The following CACNA2D3 variants were observed in gnomAD, a reference collection of about 807,000 sequenced individuals.
CACNA2D3 encodes calcium voltage-gated channel auxiliary subunit alpha2delta 3, also known as voltage-dependent calcium channel subunit alpha-2/delta-3.
Under a neutral mutation model 160.6 loss-of-function variants are expected in CACNA2D3, and 60 were observed. The ratio of observed to expected loss-of-function variants is 0.37; its 90% CI spans 0.30 to 0.46. The LOEUF is 0.46. Among genes scored for constraint, CACNA2D3 ranks in the 20% least tolerant of loss-of-function variants. The pLI, the probability that CACNA2D3 is intolerant of heterozygous loss-of-function variation, is 1.00. For missense variants in CACNA2D3, 1,205 were observed against 1,365.0 expected (o/e 0.88, Z 1.85); for synonymous variants, 558 against 492.9 (o/e 1.13, Z -1.75).
rs1396090035 is a variant in CACNA2D3, at chr3:54,500,488, TCTTCCTTCCTTCCTATCTTCCTTC to T, written c.382-2989_382-2966del. Among the ~76,000 whole-genome samples the T allele has an allele frequency of 3.1e-4, 46 of 150,042 alleles. 1 individual carries two copies. Among genetic ancestry groups the T allele is most frequent in the African/African-American group, 1.1e-3 (45 of 40,744 alleles). ...GTCCGTCCATCTTCCTTCCTTCCTA[TCTTCCTTCCTTCCTATCTTCCTTC>T]CTTCCTTCCTTCCTTCCTTCCTTCC... On this transcript the variant is annotated intron_variant, in intron 4 of 37. Coordinates refer to ENST00000474759, the MANE Select transcript of CACNA2D3 (RefSeq NM_018398.3).
intron 9 of CACNA2D3, among the ~76,000 whole-genome samples, chr3:54,586,600 C>T (rs1233006623): frequency 6.6e-6 from 1 of 152,092 alleles, no homozygotes; most frequent in African/African-American, 2.4e-5. Context: ...ATTCCACAGT[C>T]ACCAGTTGAT....
intron 13 of CACNA2D3, among the ~76,000 whole-genome samples, chr3:54,767,859 T>G (rs35993476): frequency 1.3e-4 from 19 of 151,940 alleles, no homozygotes; most frequent in Non-Finnish European, 2.2e-4. Flanking sequence ...TAATGGTTTG[T>G]AACTTGTTGA....
intron 35 of CACNA2D3, among the ~76,000 whole-genome samples, chr3:55,033,381 C>A (rs1023337200): frequency 2.6e-5 from 4 of 151,990 alleles, no homozygotes; most frequent in Non-Finnish European, 5.9e-5. Flanking sequence ...CCTGAGTTCT[C>A]TCCTCTAGAG....
At chr3:54,392,031 T>C (rs1282854890) in intron 4 of CACNA2D3, among the ~76,000 whole-genome samples, 2 of 152,252 alleles carry the variant, frequency 1.3e-5, no homozygotes, top group Non-Finnish European at 2.9e-5. Flanking sequence ...ACATAGGCTT[T>C]TCTTAAAAGA....
intron 11 of CACNA2D3, among the ~76,000 whole-genome samples, chr3:54,693,781 A>T (rs1464444461): frequency 1.3e-5 from 2 of 152,198 alleles, no homozygotes; most frequent in East Asian, 3.8e-4. Context: ...TTAACAAAAA[A>T]GTTTAAAAAG....
intron 4 of CACNA2D3, among the ~76,000 whole-genome samples, chr3:54,426,195 CATT>C (rs1699910052): frequency 1.3e-5 from 2 of 152,156 alleles, no homozygotes. Context: ...CTGGTAGACA[CATT>C]ATTATTTTAT....
At chr3:54,753,563 G>T (rs1014495434) in intron 12 of CACNA2D3, among the ~76,000 whole-genome samples, 3 of 152,166 alleles carry the variant, frequency 2.0e-5, no homozygotes, top group African/African-American at 7.2e-5. Flanking sequence ...ACCCACACTG[G>T]ATTATAAATA....
At chr3:54,191,109 C>A (rs2107336395) in intron 2 of CACNA2D3, among the ~76,000 whole-genome samples, 1 of 148,348 alleles carries the variant, frequency 6.7e-6, no homozygotes, top group South Asian at 2.2e-4. Flanking sequence ...TCACGATAAA[C>A]CCACTCAAAG....
chr3:54,565,746 C>A (rs1702399840), intron 6 of CACNA2D3, among the ~76,000 whole-genome samples: 1 of 152,116 alleles, frequency 6.6e-6, no homozygotes, highest in South Asian at 2.1e-4. Context: ...TAGTCTGATA[C>A]CCCGTTTCCA....
chr3:54,925,215 C>T (rs1451421028), intron 27 of CACNA2D3: 3 of 1,606,696 alleles, frequency 1.9e-6, no homozygotes, highest in South Asian at 2.2e-5. Flanking sequence ...GAGCAGTTCA[C>T]CTACAACAAA....
At chr3:54,928,555 A>C (rs1322907590) in intron 27 of CACNA2D3, among the ~76,000 whole-genome samples, 1 of 152,184 alleles carries the variant, frequency 6.6e-6, no homozygotes, top group Non-Finnish European at 1.5e-5. Context: ...TATTCAGCCA[A>C]CATCTGTGGG....
chr3:54,881,396 A>G (rs1339119775), intron 21 of CACNA2D3, among the ~76,000 whole-genome samples: 4 of 152,228 alleles, frequency 2.6e-5, no homozygotes, highest in Non-Finnish European at 4.4e-5. Flanking sequence ...TACATAGGTC[A>G]GAGGGAGTAA....
chr3:54,767,355 G>C (rs979479988), intron 13 of CACNA2D3, among the ~76,000 whole-genome samples: 1 of 152,164 alleles, frequency 6.6e-6, no homozygotes, highest in Non-Finnish European at 1.5e-5. Flanking sequence ...GGGAGGAAAA[G>C]AGAACTGCAA....
intron 3 of CACNA2D3, among the ~76,000 whole-genome samples, chr3:54,343,119 CT>C (rs572173031): frequency 6.6e-6 from 1 of 152,040 alleles, no homozygotes; most frequent in Non-Finnish European, 1.5e-5. Context: ...AATTTTTAAA[CT>C]TTTTTTTCCC....
In CACNA2D3 at chr3:54,123,553, T is replaced by C. The variant is rs1275511421; in HGVS notation, c.163T>C (p.Ser55Pro). The change falls in exon 2 of 38, where the codon TCC (serine) becomes CCC (proline). Residue 55 changes from serine to proline, a missense_variant. By Grantham distance (74) the Ser-to-Pro change is moderately conservative. This residue lies in a region of CACNA2D3 where 163 missense variants were observed against 161.3 expected (regional missense o/e 1.01). Transcript: ENST00000474759. ...CTCGGCTTTTGGTGGGGAGATAAAATCCATTGCTGCTAAGTACTCCGGTTC... is the reference window on the plus strand; with the variant it reads ...CTCGGCTTTTGGTGGGGAGATAAAACCCATTGCTGCTAAGTACTCCGGTTC... ...WASAFGGEIK[S>P]IAAKYSGSQL... The C allele has an allele frequency of 6.2e-7, 1 of 1,613,686 alleles. No homozygotes were observed. Among genetic ancestry groups the C allele is most frequent in the African/African-American group, 1.3e-5 (1 of 74,854 alleles).
At chr3:54,546,435 C>T (rs1348073400) in intron 5 of CACNA2D3, among the ~76,000 whole-genome samples, 1 of 152,114 alleles carries the variant, frequency 6.6e-6, no homozygotes, top group Non-Finnish European at 1.5e-5. Context: ...GTAGCCTCTA[C>T]CTAAGCAACT....
At chr3:54,887,240 A>G (rs1300214082) in intron 23 of CACNA2D3, among the ~76,000 whole-genome samples, 2 of 152,060 alleles carry the variant, frequency 1.3e-5, no homozygotes, top group East Asian at 3.9e-4. Context: ...AACCTGGCCA[A>G]CATGGTAAAA....
At chr3:54,437,169 A>G (rs986984527) in intron 4 of CACNA2D3, among the ~76,000 whole-genome samples, 2 of 152,180 alleles carry the variant, frequency 1.3e-5, no homozygotes, top group Admixed American at 6.5e-5. Context: ...TTTTACCTAA[A>G]TGGTTACATA....
chr3:54,875,634 C>T (rs1292359273), intron 18 of CACNA2D3: 4 of 152,174 alleles, frequency 2.6e-5, no homozygotes, highest in African/African-American at 7.2e-5. Flanking sequence ...AAACAGGAAA[C>T]GTGGCTTCCA....
Sources: gnomAD v4.1 joint callset for allele counts (sites outside exome capture counted in the v4.1 genomes callset) on GRCh38, gnomAD v4.1.1 for gene constraint, gnomAD v4.1.1 regional missense constraint, MANE v1.5 for transcripts, NCBI Gene and HGNC (gene_info 2026-07-23, HGNC 2026-07-21) for gene names.